Variants in SLC17A8 observed in about 807,000 individuals in gnomAD.
SLC17A8 encodes solute carrier family 17 member 8.
SLC17A8 carries 31 observed loss-of-function variants against 58.0 expected under a neutral mutation model. That is an observed-to-expected ratio of 0.53 (90% CI 0.40 to 0.72). The LOEUF (loss-of-function observed/expected upper bound fraction) is 0.72. Ranked by LOEUF, SLC17A8 falls within the 30% of genes least tolerant of loss-of-function variation. SLC17A8 has a pLI of 0.00. For missense variants in SLC17A8, 655 were observed against 727.8 expected, an observed-to-expected ratio of 0.90 and a Z score of 1.15; for synonymous variants, 228 against 249.0, an observed-to-expected ratio of 0.92 and a Z score of 0.79.
In SLC17A8 at chr12:100,419,849, C is replaced by G; in HGVS notation, c.1460C>G (p.Ala487Gly). Residue 487 changes from alanine (A) to glycine (G), a missense_variant, in exon 12 of 12, where the codon GCT (alanine) becomes GGT (glycine). Coordinates refer to ENST00000323346, the MANE Select transcript of SLC17A8 (RefSeq NM_139319.3). ...GAATGGCAGAATGTGTTCCTCATAG[C>G]TGCCCTGGTGCATTACAGTGGTGTG... ...REEWQNVFLI[A>G]ALVHYSGVIF... 1 of 1,613,980 alleles carries G rather than the reference C, an allele frequency of 6.2e-7. No homozygotes were observed. The highest frequency in any genetic ancestry group is 8.5e-7 in the Non-Finnish European group (1 of 1,180,036).
Position 100,412,718 on chromosome 12 carries a change from G to A in SLC17A8, c.1187-52G>A, listed in dbSNP as rs140576464. On this transcript the variant is annotated intron_variant, in intron 9 of 11. Transcript: ENST00000323346. ...CTTATTTGATAAATAAATGAACTTGGGTTGACCGATATGAAAATGACATTT... is the reference window on the plus strand; with the variant it reads ...CTTATTTGATAAATAAATGAACTTGAGTTGACCGATATGAAAATGACATTT... 4.2e-5 allele frequency: 49 copies of A among 1,154,818 alleles called. No homozygotes were observed. The African/African-American group carries it at 5.9e-4, about 14-fold the overall frequency. The allele number at this position is 1,154,818 out of a possible 1,614,324, so 71.5% of individuals were successfully genotyped here. A position where few individuals can be genotyped will look rare whatever the true frequency, so the allele number is the denominator to read the frequency against.
At chr12:100,366,050 CTTTTTTTTTT>C (rs67071341) in intron 1 of SLC17A8, among the ~76,000 whole-genome samples, 3 of 90,862 alleles carry the variant, frequency 3.3e-5, no homozygotes, top group Admixed American at 1.4e-4. Context: ...GTGATCCCTT[CTTTTTTTTTT>C]TTTTTTTTTT....
chr12:100,361,910 G>A (rs567302677), intron 1 of SLC17A8, among the ~76,000 whole-genome samples: 12 of 151,240 alleles, frequency 7.9e-5, no homozygotes, highest in South Asian at 4.2e-4. Flanking sequence ...GCAGTGAGCC[G>A]AGATCACACC....
chr12:100,409,317 C>T (rs1168677004), intron 9 of SLC17A8, among the ~76,000 whole-genome samples: 1 of 152,112 alleles, frequency 6.6e-6, no homozygotes, highest in East Asian at 1.9e-4. Context: ...TCCTGAGTAG[C>T]TGGGATTACA....
chr12:100,380,608 C>T lies in SLC17A8; in HGVS notation c.102-93C>T. The T allele has an allele frequency of 4.1e-6, 6 of 1,451,986 alleles. No individual in the cohort carries two copies. The Admixed American group carries it at 7.6e-5, about 18-fold the overall frequency. The allele number at this position is 1,451,986 out of a possible 1,614,324, so 89.9% of individuals were successfully genotyped here. A position where few individuals can be genotyped will look rare whatever the true frequency, so the allele number is the denominator to read the frequency against. ...ACTATGGGTCTTCCTTTTTGTTTTT[C>T]ATCTGCTGGTACCTTTTTTCTTTTT... is the stretch of plus-strand genomic sequence containing the variant. On this transcript the variant is annotated intron_variant, in intron 1 of 11. Coordinates refer to ENST00000323346, the MANE Select transcript of SLC17A8 (RefSeq NM_139319.3).
At chr12:100,386,781 C>G (rs903121533) in intron 2 of SLC17A8, among the ~76,000 whole-genome samples, 1 of 151,876 alleles carries the variant, frequency 6.6e-6, no homozygotes, top group Non-Finnish European at 1.5e-5. Context: ...TTCCGCCTCC[C>G]AGGTTCAAGC....
At chr12:100,416,537 G>GTTTT (rs58618796) in intron 10 of SLC17A8, among the ~76,000 whole-genome samples, 21 of 146,544 alleles carry the variant, frequency 1.4e-4, no homozygotes, top group African/African-American at 3.5e-4. Flanking sequence ...CCTATTTTCA[G>GTTTT]TTTTTTTTTT....
intron 1 of SLC17A8, among the ~76,000 whole-genome samples, chr12:100,367,828 C>T (rs960926901): frequency 1.3e-5 from 2 of 152,202 alleles, no homozygotes; most frequent in African/African-American, 4.8e-5. Context: ...GCTGGGATTA[C>T]AGGCGTGAAC....
intron 1 of SLC17A8, among the ~76,000 whole-genome samples, chr12:100,368,072 A>T (rs1307227887): frequency 6.6e-6 from 1 of 152,234 alleles, no homozygotes; most frequent in Non-Finnish European, 1.5e-5. Flanking sequence ...TCATGGGACC[A>T]TGCCCCCTTT....
chr12:100,413,294 G>GT (rs939971055), intron 10 of SLC17A8, among the ~76,000 whole-genome samples: 4 of 152,130 alleles, frequency 2.6e-5, no homozygotes, highest in Non-Finnish European at 5.9e-5. Flanking sequence ...AGGATCAGAA[G>GT]TTTTTTTAAG....
In SLC17A8 at chr12:100,419,995, C is replaced by T; in HGVS notation, c.1606C>T (p.His536Tyr). The change falls in exon 12 of 12, where the codon CAT becomes TAT. Residue 536 changes from histidine to tyrosine, a missense_variant. Coordinates refer to ENST00000323346, the MANE Select transcript of SLC17A8 (RefSeq NM_139319.3). ...DELAEEIELN[H>Y]ESFASPKKKM... ...ATTAGCTGAGGAGATAGAACTCAACCATGAGAGTTTTGCGAGTCCCAAAAA... is the reference window on the plus strand; with the variant it reads ...ATTAGCTGAGGAGATAGAACTCAACTATGAGAGTTTTGCGAGTCCCAAAAA... 4 of 1,614,012 alleles carry T rather than the reference C, an allele frequency of 2.5e-6. No individual in the cohort carries two copies. Among genetic ancestry groups the T allele is most frequent in the East Asian group, 2.2e-5 (1 of 44,882 alleles).
At chr12:100,414,007 A>T (rs1952889351) in intron 10 of SLC17A8, among the ~76,000 whole-genome samples, 1 of 152,148 alleles carries the variant, frequency 6.6e-6, no homozygotes, top group South Asian at 2.1e-4. Context: ...AAATAAAAAT[A>T]AAAAATGGTT....
At chr12:100,379,679 G>T (rs1401514528) in intron 1 of SLC17A8, among the ~76,000 whole-genome samples, 1 of 152,106 alleles carries the variant, frequency 6.6e-6, no homozygotes, top group South Asian at 2.1e-4. Context: ...ATAATTGACA[G>T]ATAGGGTTCC....
At chr12:100,380,415 G>A (rs1952626881) in intron 1 of SLC17A8, among the ~76,000 whole-genome samples, 1 of 151,722 alleles carries the variant, frequency 6.6e-6, no homozygotes, top group Non-Finnish European at 1.5e-5. Flanking sequence ...TCTACCTCAT[G>A]GGGTTGTTAT....
intron 9 of SLC17A8, among the ~76,000 whole-genome samples, chr12:100,407,586 A>ATATTT (rs912887514): frequency 6.8e-6 from 1 of 146,370 alleles, no homozygotes; most frequent in South Asian, 2.2e-4. Flanking sequence ...ATATATATAT[A>ATATTT]TTTTTTTTGT....
At chr12:100,395,902 C>T (rs546115668) in intron 4 of SLC17A8, among the ~76,000 whole-genome samples, 13 of 152,290 alleles carry the variant, frequency 8.5e-5, no homozygotes, top group African/African-American at 2.6e-4. Context: ...CGTGAGCCAC[C>T]GCTCCTGGCC....
chr12:100,376,137 A>G (rs947869933), intron 1 of SLC17A8, among the ~76,000 whole-genome samples: 10 of 152,252 alleles, frequency 6.6e-5, no homozygotes, highest in Admixed American at 6.5e-4. Context: ...GAAAGGCCTC[A>G]GAAGAAACCA....
At chr12:100,399,940 C>A (rs998809279) in intron 5 of SLC17A8, among the ~76,000 whole-genome samples, 1 of 152,182 alleles carries the variant, frequency 6.6e-6, no homozygotes, top group African/African-American at 2.4e-5. Flanking sequence ...TGACTTGTCA[C>A]TTCTACCTGT....
In SLC17A8 at chr12:100,420,281, G is replaced by C. The variant is rs1402535593; in HGVS notation, c.*122G>C. On this transcript the variant is annotated 3_prime_UTR_variant, in exon 12 of 12. Transcript: ENST00000323346. ...ATTGGGAGGGGAGAAGATCTAACCA[G>C]CAACAGGGAAAAGAGAAATATTATC... is the stretch of plus-strand genomic sequence containing the variant. 2 of 732,374 alleles carry C rather than the reference G, an allele frequency of 2.7e-6. No individual in the cohort carries two copies. The highest frequency in any genetic ancestry group is 4.7e-6 in the Non-Finnish European group (2 of 428,774). 45.4% of individuals were successfully genotyped at this position (732,374 alleles called of 1,614,324 possible). A position where few individuals can be genotyped will look rare whatever the true frequency, so the allele number is the denominator to read the frequency against.
Sources: gnomAD v4.1 joint callset for allele counts (sites outside exome capture counted in the v4.1 genomes callset) on GRCh38, gnomAD v4.1.1 for gene constraint, MANE v1.5 for transcripts, NCBI Gene and HGNC (gene_info 2026-07-23, HGNC 2026-07-21) for gene names.